TLR6: variants seen among roughly 807,000 people sequenced by gnomAD.
TLR6 encodes toll like receptor 6.
A neutral mutation model predicts 16.1 loss-of-function variants in TLR6; 9 were observed. The observed-to-expected ratio is 0.56, with a 90% CI of 0.34 to 0.98. TLR6 has a LOEUF of 0.98. TLR6 is among the 50% of genes least tolerant of loss of function. TLR6 has a pLI of 0.02. For missense variants in TLR6, 786 were observed against 921.0 expected, an observed-to-expected ratio of 0.85 and a Z score of 1.90; for synonymous variants, 340 against 338.6, an observed-to-expected ratio of 1.00 and a Z score of -0.04.
chr4:38,858,458 G>A (rs1713075487), upstream of TLR6, among the ~76,000 whole-genome samples: 1 of 152,128 alleles, frequency 6.6e-6, no homozygotes, highest in African/African-American at 2.4e-5. Context: ...GATGTCTCAT[G>A]CCTGTAATCC....
intron 1 of TLR6, among the ~76,000 whole-genome samples, chr4:38,852,288 C>T (rs919111535): frequency 1.3e-5 from 2 of 152,130 alleles, no homozygotes; most frequent in Non-Finnish European, 2.9e-5. Flanking sequence ...TAGAAGAAAA[C>T]CTAGGCAATA....
chr4:38,837,045 C>T (rs1316462884), intron 1 of TLR6, among the ~76,000 whole-genome samples: 2 of 151,644 alleles, frequency 1.3e-5, no homozygotes, highest in Non-Finnish European at 2.9e-5. Context: ...GGCAAAAGGC[C>T]CCTACAACAA....
At chr4:38,864,487 A>C in the TLR6 span, among the ~76,000 whole-genome samples, 17 of 152,384 alleles carry the variant, frequency 1.1e-4, no homozygotes, top group South Asian at 3.1e-3. Flanking sequence ...ATTGAGTGAA[A>C]TATGAAGCAC....
exon 2 of TLR6, chr4:38,828,649 G>A (rs139762292): frequency 1.2e-6 from 2 of 1,614,088 alleles, no homozygotes; most frequent in Non-Finnish European, 1.7e-6. Flanking sequence ...CCACAGGTTT[G>A]GGCCAAAGAA....
chr4:38,858,754 A>G (rs867601165), upstream of TLR6, among the ~76,000 whole-genome samples: 2 of 73,346 alleles, frequency 2.7e-5, no homozygotes, highest in African/African-American at 1.7e-4. Context: ...AGAGAGAGAG[A>G]GAGGGAGAGA....
At chr4:38,831,644 G>C (rs187814094) in intron 1 of TLR6, among the ~76,000 whole-genome samples, 128 of 152,218 alleles carry the variant, frequency 8.4e-4, no homozygotes, top group African/African-American at 3.0e-3. Context: ...ACTATGCAAA[G>C]AACTCTTAAG....
the TLR6 span, among the ~76,000 whole-genome samples, chr4:38,862,136 G>A: frequency 3.9e-5 from 6 of 152,020 alleles, no homozygotes; most frequent in Admixed American, 6.6e-5. Flanking sequence ...GCTGTCCTTC[G>A]GAATGAACTC....
chr4:38,831,552 A>T (rs5743789), intron 1 of TLR6, among the ~76,000 whole-genome samples: 22,813 of 152,248 alleles, frequency 0.15, 2,303 homozygotes, highest in Middle Eastern at 0.4. Context: ...TGCAAAAGAC[A>T]CTGCAAGAGA....
At chr4:38,867,093 C>T in the TLR6 span, among the ~76,000 whole-genome samples, 65 of 152,320 alleles carry the variant, frequency 4.3e-4, no homozygotes, top group African/African-American at 1.5e-3. Flanking sequence ...ATGTGGCCTT[C>T]CCTCCATGTC....
chr4:38,858,899 GAA>G (rs1215800002), upstream of TLR6, among the ~76,000 whole-genome samples: 6 of 146,266 alleles, frequency 4.1e-5, no homozygotes, highest in African/African-American at 1.6e-4. Context: ...GAGAAAGAAA[GAA>G]AGAAAAGAAA....
chr4:38,862,385 AT>A, the TLR6 span, among the ~76,000 whole-genome samples: 2 of 150,882 alleles, frequency 1.3e-5, no homozygotes, highest in African/African-American at 4.9e-5. Flanking sequence ...GGTTCAAGGG[AT>A]TTTCTTGCCT....
At chr4:38,824,145 A>T (rs912975541) in exon 2 of TLR6, 2 of 145,974 alleles carry the variant, frequency 1.4e-5, no homozygotes, top group Middle Eastern at 3.4e-3. Flanking sequence ...CATTTCCCGC[A>T]TGGGACCGTT....
chr4:38,858,888 AGAGAAAGAAAG>A (rs1713128241), upstream of TLR6, among the ~76,000 whole-genome samples: 1 of 45,498 alleles, frequency 2.2e-5, no homozygotes, highest in African/African-American at 1.2e-4. Context: ...AGAAAGAAAG[AGAGAAAGAAAG>A]AAAGAAAAGA....
exon 2 of TLR6, chr4:38,826,608 A>C (rs961244265): frequency 3.2e-5 from 5 of 154,414 alleles, no homozygotes; most frequent in African/African-American, 1.2e-4. Context: ...TATGTGAAAC[A>C]AAAGACTTTT....
At chr4:38,864,675 G>T in the TLR6 span, among the ~76,000 whole-genome samples, 2 of 152,112 alleles carry the variant, frequency 1.3e-5, no homozygotes, top group East Asian at 1.9e-4. Context: ...ACAATTATAC[G>T]TGCATTTGTG....
chr4:38,858,829 GAGGAAGA>G (rs1713113764), upstream of TLR6, among the ~76,000 whole-genome samples: 2 of 71,830 alleles, frequency 2.8e-5, no homozygotes, highest in Non-Finnish European at 2.8e-5. Context: ...GAGAGAGAGA[GAGGAAGA>G]AAGAAAGAAA....
At chr4:38,842,636 C>CA (rs147756063) in intron 1 of TLR6, among the ~76,000 whole-genome samples, 4,811 of 152,312 alleles carry the variant, frequency 0.032, 225 homozygotes, top group African/African-American at 0.089. Flanking sequence ...CCATGGGGGG[C>CA]AAAGCCAGAA....
chr4:38,843,341 G>T (rs1217201029), intron 1 of TLR6, among the ~76,000 whole-genome samples: 1 of 152,192 alleles, frequency 6.6e-6, no homozygotes, highest in Non-Finnish European at 1.5e-5. Flanking sequence ...TTTAAAGTAG[G>T]TCTCTGTGTT....
At chr4:38,864,675 G>C in the TLR6 span, among the ~76,000 whole-genome samples, 11 of 152,112 alleles carry the variant, frequency 7.2e-5, no homozygotes, top group African/African-American at 2.7e-4. Flanking sequence ...ACAATTATAC[G>C]TGCATTTGTG....
Sources: allele counts gnomAD v4.1 joint callset (sites outside exome capture counted in the v4.1 genomes callset), GRCh38; gene constraint gnomAD v4.1.1; transcripts MANE v1.5; gene names NCBI Gene and HGNC (gene_info 2026-07-23, HGNC 2026-07-21).